KLF7: variants seen among roughly 807,000 people sequenced by gnomAD.
KLF7 encodes KLF transcription factor 7.
A neutral mutation model predicts 27.3 loss-of-function variants in KLF7; 2 were observed. The observed-to-expected ratio is 0.07, with a 90% CI of 0.03 to 0.23. The LOEUF is 0.23. Among genes scored for constraint, KLF7 ranks in the 10% least tolerant of loss-of-function variants. The pLI is 1.00. For synonymous variants in KLF7, 165 were observed against 162.4 expected (o/e 1.02, Z -0.12); for missense variants, 221 against 394.1 (o/e 0.56, Z 3.72).
intron 2 of KLF7, among the ~76,000 whole-genome samples, chr2:207,113,362 G>A (rs996583545): frequency 6.6e-6 from 1 of 152,066 alleles, no homozygotes; most frequent in African/African-American, 2.4e-5. Context: ...ACTTTAATGT[G>A]TTTCCATAGC....
At position 207,077,844 on chromosome 2, in the gene KLF7, C is replaced by G. The variant is rs1486791161; in HGVS notation, c.*3369G>C. On this transcript the variant is annotated 3_prime_UTR_variant, in exon 4 of 4. Transcript: ENST00000309446. ...AAACTCTTTTTCTACATGAACAAAT[C>G]TGAACCCTGGATAAAAGCGTGCTTG... is the stretch of plus-strand genomic sequence containing the variant. 6.6e-6 allele frequency: 1 copy of G among 152,062 alleles called. No individual in the cohort carries two copies. Among genetic ancestry groups the G allele is most frequent in the African/African-American group, 2.4e-5 (1 of 41,400 alleles). 9.4% of individuals were successfully genotyped at this position (152,062 alleles called of 1,614,324 possible).
intron 1 of KLF7, among the ~76,000 whole-genome samples, chr2:207,159,709 C>T (rs1473332611): frequency 6.6e-6 from 1 of 152,154 alleles, no homozygotes; most frequent in Non-Finnish European, 1.5e-5. Context: ...CCCCTGAAAT[C>T]AGAAGTCACT....
At chr2:207,118,270 T>TA (rs1285879202) in intron 2 of KLF7, among the ~76,000 whole-genome samples, 23 of 152,164 alleles carry the variant, frequency 1.5e-4, no homozygotes, top group Admixed American at 1.4e-3. Context: ...ACACTAACAT[T>TA]AAAAAAAGTG....
upstream of KLF7, chr2:207,166,901 G>GC (rs1225409375): frequency 1.3e-5 from 14 of 1,056,044 alleles, no homozygotes; most frequent in Admixed American, 4.0e-4. Flanking sequence ...GCCTGCGCCC[G>GC]CCCCCCGCTT....
At chr2:207,090,064 C>CA (rs891719192) in intron 2 of KLF7, among the ~76,000 whole-genome samples, 2 of 151,980 alleles carry the variant, frequency 1.3e-5, no homozygotes, top group African/African-American at 4.8e-5. Context: ...AGAATCAAAC[C>CA]AAACATGCTT....
intron 3 of KLF7, among the ~76,000 whole-genome samples, chr2:207,081,988 TTG>T (rs146593097): frequency 2.0e-5 from 3 of 150,948 alleles, no homozygotes; most frequent in African/African-American, 4.9e-5. Context: ...TTCTCACGCT[TTG>T]TGTGTGTGTG....
rs994008799 is a variant in KLF7 at position 207,080,944 on chromosome 2, TCCTTCTTCA to T, written c.*260_*268del. On this transcript the variant is annotated 3_prime_UTR_variant, in exon 4 of 4. Transcript: ENST00000309446. The stretch of plus-strand genomic sequence containing the variant: ...TCTGCCTTGCTGAGTTCACCTGGTT[TCCTTCTTCA>T]TCTTCTTCCATCTGGCTAGGGCAAG... 1 of 438,116 alleles carries T rather than the reference TCCTTCTTCA, an allele frequency of 2.3e-6. No individual in the cohort carries two copies. Among genetic ancestry groups the T allele is most frequent in the African/African-American group, 2.0e-5 (1 of 49,826 alleles). The allele number at this position is 438,116 out of a possible 1,614,324, so 27.1% of individuals were successfully genotyped here.
intron 1 of KLF7, among the ~76,000 whole-genome samples, chr2:207,145,589 G>A (rs757962319): frequency 3.3e-5 from 5 of 152,186 alleles, no homozygotes; most frequent in African/African-American, 7.2e-5. Flanking sequence ...AAAAGTTTTT[G>A]AGAAGAATAT....
intron 3 of KLF7, among the ~76,000 whole-genome samples, chr2:207,086,842 G>A (rs1038235426): frequency 6.6e-6 from 1 of 152,128 alleles, no homozygotes; most frequent in Non-Finnish European, 1.5e-5. Context: ...TTCAGAGCTG[G>A]GCAACTTGTG....
upstream of KLF7, among the ~76,000 whole-genome samples, chr2:207,168,333 TA>T (rs1262418167): frequency 1.1e-4 from 16 of 152,352 alleles, no homozygotes; most frequent in Admixed American, 9.8e-4. Flanking sequence ...CGTATGCGCA[TA>T]AACACTTTAT....
At position 207,090,617 on chromosome 2, in the gene KLF7, C is replaced by T. The variant is rs1175903783; in HGVS notation, c.734-2036G>A. Among the ~76,000 whole-genome samples the T allele has an allele frequency of 2.0e-5, 3 of 151,938 alleles. No individual in the cohort carries two copies. In the East Asian group the frequency reaches 5.8e-4, roughly 29 times the overall value. On this transcript the variant is annotated intron_variant, in intron 2 of 3. Coordinates refer to ENST00000309446, the MANE Select transcript of KLF7 (RefSeq NM_003709.4). ...TGAAATCGCTGTCAATAAAATCCTT[C>T]AGAGCTCATGGCTCCAGAAAGCCAA...
chr2:207,157,873 A>G (rs968381986), intron 1 of KLF7, among the ~76,000 whole-genome samples: 4 of 152,256 alleles, frequency 2.6e-5, no homozygotes. Context: ...TGAGACGAAT[A>G]ATCACATTAT....
chr2:207,107,509 G>A (rs1254336848), intron 2 of KLF7, among the ~76,000 whole-genome samples: 1 of 152,184 alleles, frequency 6.6e-6, no homozygotes, highest in Non-Finnish European at 1.5e-5. Flanking sequence ...ACAAATATGA[G>A]TGTGTGTAAA....
At chr2:207,088,315 C>T in intron 3 of KLF7, 143 bp downstream of exon 3, 3 of 925,954 alleles carry the variant, frequency 3.2e-6, no homozygotes, top group Non-Finnish European at 4.8e-6. Context: ...TCTCACTGGT[C>T]CTCTCCATGG....
intron 2 of KLF7, among the ~76,000 whole-genome samples, chr2:207,089,873 T>C (rs1338769882): frequency 6.6e-6 from 1 of 152,224 alleles, no homozygotes; most frequent in Non-Finnish European, 1.5e-5. Flanking sequence ...TCAGGATACC[T>C]AGGTGCCAAA....
At chr2:207,086,354 C>T (rs192824175) in intron 3 of KLF7, among the ~76,000 whole-genome samples, 10 of 152,272 alleles carry the variant, frequency 6.6e-5, no homozygotes, top group African/African-American at 2.2e-4. Flanking sequence ...GCACAGTCAC[C>T]GTAATTGAAA....
chr2:207,111,533 C>T (rs1398904147), intron 2 of KLF7, among the ~76,000 whole-genome samples: 2 of 152,198 alleles, frequency 1.3e-5, no homozygotes, highest in Non-Finnish European at 2.9e-5. Flanking sequence ...TTCGTCCTTT[C>T]CAATTCTGTC....
intron 1 of KLF7, among the ~76,000 whole-genome samples, chr2:207,151,958 A>C (rs369265319): frequency 1.3e-5 from 2 of 152,196 alleles, no homozygotes; most frequent in African/African-American, 4.8e-5. Flanking sequence ...AGCCAATATA[A>C]AAGAAAACAC....
At chr2:207,108,355 T>G (rs576766974) in intron 2 of KLF7, among the ~76,000 whole-genome samples, 1 of 152,258 alleles carries the variant, frequency 6.6e-6, no homozygotes, top group South Asian at 2.1e-4. Context: ...TTCTAACGAC[T>G]TATTAAGATT....
Sources: allele counts gnomAD v4.1 joint callset (sites outside exome capture counted in the v4.1 genomes callset), GRCh38; gene constraint gnomAD v4.1.1; transcripts MANE v1.5; gene names NCBI Gene and HGNC (gene_info 2026-07-23, HGNC 2026-07-21).